ASF1B: variants seen among roughly 807,000 people sequenced by gnomAD.
The protein encoded by ASF1B is histone chaperone ASF1B.
Under a neutral mutation model 16.6 loss-of-function variants are expected in ASF1B, and 10 were observed. That is an observed-to-expected ratio of 0.60 (90% confidence interval 0.37 to 1.02). ASF1B has a LOEUF of 1.02. ASF1B is among the 50% of genes least tolerant of loss of function. The probability of loss-of-function intolerance (pLI) is 0.01; values close to 1 mark genes in which losing one functional copy is unlikely to be tolerated. For synonymous variants in ASF1B, 101 were observed against 106.2 expected, an observed-to-expected ratio of 0.95 and a Z score of 0.30; for missense variants, 240 against 266.0, an observed-to-expected ratio of 0.90 and a Z score of 0.68.
intron 1 of ASF1B, among the ~76,000 whole-genome samples, chr19:14,128,478 T>G (rs1337571264): frequency 6.6e-6 from 1 of 152,120 alleles, no homozygotes; most frequent in Non-Finnish European, 1.5e-5. Flanking sequence ...GGGAGGAAGT[T>G]GACTTTTTTC....
chr19:14,121,717 G>C lies in ASF1B; in HGVS notation c.226-9C>G, dbSNP rs1314523225. 3.1e-6 allele frequency: 5 copies of C among 1,611,226 alleles called. No homozygotes were observed. Among genetic ancestry groups the C allele is most frequent in the Non-Finnish European group, 4.2e-6 (5 of 1,178,336 alleles). On this transcript the variant is annotated splice_polypyrimidine_tract_variant and intron_variant, in intron 2 of 3. Transcript: ENST00000263382. The stretch of plus-strand genomic sequence containing the variant: ...GGGTTGGGGGCGTCGGCCTAGGGGA[G>C]ACACATCCTAGGCCTTAGCAGTGCC...
At chr19:14,129,678 C>CAA (rs549023648) in intron 1 of ASF1B, among the ~76,000 whole-genome samples, 381 of 34,628 alleles carry the variant, frequency 0.011, 15 homozygotes, top group Non-Finnish European at 0.014. Context: ...CAGCCTCCGT[C>CAA]AAAAAAAAAA....
chr19:14,129,986 CAG>C (rs1285553161), intron 1 of ASF1B, among the ~76,000 whole-genome samples: 1 of 151,644 alleles, frequency 6.6e-6, no homozygotes, highest in East Asian at 2.0e-4. Context: ...GCCTGGGTGA[CAG>C]AGTGAGACTC....
At chr19:14,120,860 G>A (rs1967225146) in intron 3 of ASF1B, among the ~76,000 whole-genome samples, 195 bp from the exon 4 acceptor site, 1 of 151,958 alleles carries the variant, frequency 6.6e-6, no homozygotes, top group African/African-American at 2.4e-5. Context: ...TGCTTTTGTT[G>A]CCCAGGCTGG....
Position 14,136,176 on chromosome 19 carries a change from G to A in ASF1B, c.109+172C>T, listed in dbSNP as rs1168667354. Among the ~76,000 whole-genome samples, 5 of 150,246 alleles carry A rather than the reference G, an allele frequency of 3.3e-5. No homozygotes were observed. In the East Asian group the frequency reaches 9.9e-4, roughly 30 times the overall value. On this transcript the variant is annotated intron_variant, in intron 1 of 3. Coordinates refer to ENST00000263382, the MANE Select transcript of ASF1B (RefSeq NM_018154.3). ...GGGGAGGTCCGTGTTGGCTGGTGGC[G>A]GGGGGTCTCCACCGGGAGATCCGGT...
At chr19:14,135,821 C>T (rs988362080) in intron 1 of ASF1B, among the ~76,000 whole-genome samples, 4 of 151,706 alleles carry the variant, frequency 2.6e-5, no homozygotes, top group African/African-American at 4.8e-5. Context: ...GTGTGAGTAT[C>T]TCACTACAGG....
chr19:14,131,080 A>G (rs1951629237), intron 1 of ASF1B, among the ~76,000 whole-genome samples: 2 of 150,916 alleles, frequency 1.3e-5, no homozygotes, highest in East Asian at 3.9e-4. Context: ...GTTTCACCAC[A>G]TTGGCCAGGC....
intron 1 of ASF1B, among the ~76,000 whole-genome samples, chr19:14,134,306 A>G (rs1372881007): frequency 6.6e-6 from 1 of 152,050 alleles, no homozygotes; most frequent in African/African-American, 2.4e-5. Flanking sequence ...AACTCGGCAT[A>G]TTCTATAGTT....
rs189113151 is a variant in ASF1B, at chr19:14,135,850, C to A, written c.109+498G>T. On this transcript the variant is annotated intron_variant, in intron 1 of 3. Coordinates refer to ENST00000263382, the MANE Select transcript of ASF1B (RefSeq NM_018154.3). Reference sequence around the variant, plus strand: ...CTACAGGAAAGAGGGAATAAGTGGGCAAAAATGGGTGGGTGGTTGAAGCGG... The same window carrying A: ...CTACAGGAAAGAGGGAATAAGTGGGAAAAAATGGGTGGGTGGTTGAAGCGG... 8.5e-4 allele frequency among the ~76,000 whole-genome samples: 129 copies of A among 151,488 alleles called. 1 individual carries two copies. In the East Asian group the frequency reaches 0.024, roughly 28 times the overall value.
intron 1 of ASF1B, 106 bp from the exon 2 acceptor site, chr19:14,126,343 C>T (rs1309303434): frequency 8.1e-6 from 6 of 737,012 alleles, no homozygotes; most frequent in Non-Finnish European, 9.2e-6. Flanking sequence ...CTCGTTCTGT[C>T]ACACAGGTTA....
intron 1 of ASF1B, among the ~76,000 whole-genome samples, chr19:14,129,577 C>G (rs928792032): frequency 3.5e-5 from 5 of 141,260 alleles, no homozygotes; most frequent in African/African-American, 1.3e-4. Context: ...ACTCAGGAGT[C>G]TGAGGCATAA....
At chr19:14,121,878 C>G (rs1967243779) in intron 2 of ASF1B, among the ~76,000 whole-genome samples, 170 bp from the exon 3 acceptor site, 1 of 152,022 alleles carries the variant, frequency 6.6e-6, no homozygotes, top group African/African-American at 2.4e-5. Flanking sequence ...GCCTCAGCAT[C>G]CCAGGCAGCT....
intron 2 of ASF1B, among the ~76,000 whole-genome samples, chr19:14,125,205 G>A (rs1170032557): frequency 2.0e-5 from 3 of 152,066 alleles, no homozygotes; most frequent in African/African-American, 4.8e-5. Flanking sequence ...GACCTCAGGC[G>A]ATCCACCCAC....
chr19:14,126,641 TTTTTA>T (rs1967322893), intron 1 of ASF1B, among the ~76,000 whole-genome samples: 3 of 152,172 alleles, frequency 2.0e-5, no homozygotes, highest in African/African-American at 7.2e-5. Context: ...CTGGCTAATT[TTTTTA>T]TTTTTAGTAG....
chr19:14,129,713 A>G (rs1482849316), intron 1 of ASF1B, among the ~76,000 whole-genome samples: 2 of 140,536 alleles, frequency 1.4e-5, no homozygotes, highest in Non-Finnish European at 3.1e-5. Flanking sequence ...AAAAAAAAGA[A>G]GAAAGAAGGA....
chr19:14,129,966 C>T (rs1367351428), intron 1 of ASF1B, among the ~76,000 whole-genome samples: 1 of 151,516 alleles, frequency 6.6e-6, no homozygotes, highest in Non-Finnish European at 1.5e-5. Flanking sequence ...GATCGTGCCT[C>T]TGCACTCCAG....
At chr19:14,121,176 A>C in intron 3 of ASF1B, 1 of 378,570 alleles carries the variant, frequency 2.6e-6, no homozygotes, top group East Asian at 4.4e-5. Flanking sequence ...GCTGGAATGC[A>C]GTGGCACGAT....
rs551023008 is a variant in ASF1B at position 14,129,455 on chromosome 19, T to C, written c.110-3218A>G. ...ACTTTGGGAGGCCGAGGCAGGCAGA[T>C]TGCCTGAGCTCACGAGTTCGAGACC... On this transcript the variant is annotated intron_variant, in intron 1 of 3. Coordinates refer to ENST00000263382, the MANE Select transcript of ASF1B (RefSeq NM_018154.3). Among the ~76,000 whole-genome samples, 47 of 151,880 alleles carry C rather than the reference T, an allele frequency of 3.1e-4. 1 individual carries two copies. The South Asian group carries it at 8.3e-3, about 27-fold the overall frequency.
At position 14,136,556 on chromosome 19, in the gene ASF1B, C is replaced by G; in HGVS notation, c.-100G>C. 2.2e-6 allele frequency: 2 copies of G among 893,082 alleles called. No homozygotes were observed. Among genetic ancestry groups the G allele is most frequent in the Middle Eastern group, 2.7e-4 (1 of 3,700 alleles). 55.3% of individuals were successfully genotyped at this position (893,082 alleles called of 1,614,324 possible). On this transcript the variant is annotated 5_prime_UTR_variant, in exon 1 of 4. Transcript: ENST00000263382. The stretch of plus-strand genomic sequence containing the variant: ...TCAGTGGGGTAGGGCTGACCAGGTC[C>G]ACTCCCGCCTCTTCTCTCCGAGAAC...
Sources: allele counts gnomAD v4.1 joint callset (sites outside exome capture counted in the v4.1 genomes callset), GRCh38; gene constraint gnomAD v4.1.1; transcripts MANE v1.5; gene names NCBI Gene and HGNC (gene_info 2026-07-23, HGNC 2026-07-21).